GTF2H3: variants seen among roughly 807,000 people sequenced by gnomAD.
GTF2H3 encodes the protein TFIIH basal transcription factor complex p34 subunit.
GTF2H3 carries 42 observed loss-of-function variants against 51.1 expected under a neutral mutation model. The ratio of observed to expected loss-of-function variants is 0.82; its 90% confidence interval spans 0.64 to 1.06. The LOEUF (loss-of-function observed/expected upper bound fraction) is 1.06, where lower values mean the gene tolerates loss of function less well. GTF2H3 is among the 50% of genes least tolerant of loss of function. GTF2H3 has a pLI of 0.00. For synonymous variants in GTF2H3, 123 were observed against 123.8 expected, an observed-to-expected ratio of 0.99 and a Z score of 0.04; for missense variants, 326 against 366.1, an observed-to-expected ratio of 0.89 and a Z score of 0.89.
intron 1 of GTF2H3, among the ~76,000 whole-genome samples, chr12:123,638,073 C>T (rs904853408): frequency 6.6e-6 from 1 of 152,072 alleles, no homozygotes; most frequent in Non-Finnish European, 1.5e-5. Context: ...ACATGGCTCA[C>T]TGTAGCCTCG....
intron 1 of GTF2H3, among the ~76,000 whole-genome samples, chr12:123,637,869 G>GAC (rs1472540527): frequency 6.6e-6 from 1 of 152,128 alleles, no homozygotes; most frequent in African/African-American, 2.4e-5. Context: ...GGGCCAAATT[G>GAC]ACAGCTACGC....
chr12:123,652,644 T>G lies in GTF2H3; in HGVS notation c.458-63T>G, dbSNP rs903161614. On this transcript the variant is annotated intron_variant, in intron 6 of 12. Coordinates refer to ENST00000543341, the MANE Select transcript of GTF2H3 (RefSeq NM_001516.5). ...TTTACTAGACTGTTTAAAAATTGGTTAGGAAACCATATATGATTAGTAAGA... is the reference window on the plus strand; with the variant it reads ...TTTACTAGACTGTTTAAAAATTGGTGAGGAAACCATATATGATTAGTAAGA... 11 of 1,533,786 alleles carry G rather than the reference T, an allele frequency of 7.2e-6. No individual in the cohort carries two copies. In the Admixed American group the frequency reaches 2.0e-4, roughly 27 times the overall value.
chr12:123,640,028 G>C, intron 2 of GTF2H3: 1 of 449,982 alleles, frequency 2.2e-6, no homozygotes. Flanking sequence ...TCAGCTAATT[G>C]TTTGTATTTT....
chr12:123,651,054 G>C lies in GTF2H3; in HGVS notation c.425G>C (p.Cys142Ser). 6.8e-6 allele frequency: 11 copies of C among 1,609,234 alleles called. No individual in the cohort carries two copies. The highest frequency in any genetic ancestry group is 9.4e-6 in the Non-Finnish European group (11 of 1,175,658). The change falls in exon 5 of 13, where the codon TGC becomes TCC. Residue 142 changes from cysteine to serine, a missense_variant and splice_region_variant. By Grantham distance (112) the Cys-to-Ser change is moderately radical (BLOSUM62 -1). Transcript: ENST00000543341. ...LLAGSLAKALCYIHRMNKEVK... is the reference protein window; with the variant it reads ...LLAGSLAKALSYIHRMNKEVK... ...GCAGGATCCCTGGCCAAAGCCCTTT[G>C]CTGTATCCTTGGTGTCTGAATCATT...
chr12:123,643,804 G>GT (rs935030133), intron 2 of GTF2H3, among the ~76,000 whole-genome samples: 4 of 151,778 alleles, frequency 2.6e-5, no homozygotes, highest in Admixed American at 1.3e-4. Context: ...ATAGATTTAA[G>GT]TTTTTTTTCC....
chr12:123,642,534 C>A (rs1015890547), intron 2 of GTF2H3, among the ~76,000 whole-genome samples: 1 of 152,156 alleles, frequency 6.6e-6, no homozygotes, highest in African/African-American at 2.4e-5. Context: ...GAAGTTAGGA[C>A]TTGAACATAT....
At chr12:123,654,509 GGTGTATTTTGGGT>G (rs1955560418) in intron 7 of GTF2H3, among the ~76,000 whole-genome samples, 2 of 150,612 alleles carry the variant, frequency 1.3e-5, no homozygotes, top group East Asian at 2.0e-4. Flanking sequence ...TTGGGGTATG[GGTGTATTTTGGGT>G]GTGTATTTTG....
intron 2 of GTF2H3, among the ~76,000 whole-genome samples, chr12:123,640,389 T>G (rs1279144144): frequency 6.8e-6 from 1 of 146,408 alleles, no homozygotes; most frequent in Non-Finnish European, 1.5e-5. Context: ...CAGGCTAGAG[T>G]GCAATGGCGC....
chr12:123,655,710 T>G (rs1955578341), intron 8 of GTF2H3, 61 bp from the exon 9 acceptor site: 1 of 969,260 alleles, frequency 1.0e-6, no homozygotes, highest in South Asian at 1.3e-5. Context: ...TAGTAGGTTC[T>G]CAGTATAGGG....
chr12:123,655,712 A>G, intron 8 of GTF2H3, 59 bp from the exon 9 acceptor site: 4 of 976,912 alleles, frequency 4.1e-6, no homozygotes, highest in Non-Finnish European at 6.6e-6. Context: ...GTAGGTTCTC[A>G]GTATAGGGTA....
chr12:123,634,876 A>C (rs1473334757), intron 1 of GTF2H3, among the ~76,000 whole-genome samples: 1 of 152,268 alleles, frequency 6.6e-6, no homozygotes, highest in Middle Eastern at 3.2e-3. Context: ...TTTTAGGTGC[A>C]ATACAAAGAC....
At chr12:123,645,906 A>G (rs781754251) in intron 3 of GTF2H3, among the ~76,000 whole-genome samples, 2 of 152,108 alleles carry the variant, frequency 1.3e-5, no homozygotes, top group Non-Finnish European at 2.9e-5. Flanking sequence ...TAGATGGGAG[A>G]TGTGATTCTG....
intron 4 of GTF2H3, 103 bp downstream of exon 4, chr12:123,648,229 A>G (rs911192627): frequency 1.4e-6 from 1 of 714,758 alleles, no homozygotes. Context: ...GTATGCCTGC[A>G]CGTTCTCACT....
Position 123,662,269 on chromosome 12 carries a change from T to C in GTF2H3, c.*2034T>C, listed in dbSNP as rs1955667905. The C allele has an allele frequency of 6.6e-6, 1 of 152,168 alleles. No homozygotes were observed. Among genetic ancestry groups the C allele is most frequent in the Non-Finnish European group, 1.5e-5 (1 of 68,034 alleles). The allele number at this position is 152,168 out of a possible 1,614,324, so 9.4% of individuals were successfully genotyped here. On this transcript the variant is annotated 3_prime_UTR_variant, in exon 13 of 13. Coordinates refer to ENST00000543341, the MANE Select transcript of GTF2H3 (RefSeq NM_001516.5). ...AATAATTTGATGTTGGCTTAGATAA[T>C]TTCAGATAGATTTTATATTCTGGAT...
chr12:123,634,095 C>A (rs1410640876), intron 1 of GTF2H3, among the ~76,000 whole-genome samples: 2 of 152,142 alleles, frequency 1.3e-5, no homozygotes, highest in Non-Finnish European at 2.9e-5. Flanking sequence ...AGACAGGGGC[C>A]TTAGTGGAGG....
rs1593818254 is a variant in GTF2H3, at chr12:123,660,438, T to A, written c.*203T>A. 2.0e-5 allele frequency: 9 copies of A among 449,440 alleles called. No individual in the cohort carries two copies. The East Asian group carries it at 3.1e-4, about 16-fold the overall frequency. The allele number at this position is 449,440 out of a possible 1,614,324, so 27.8% of individuals were successfully genotyped here. On this transcript the variant is annotated 3_prime_UTR_variant, in exon 13 of 13. Coordinates refer to ENST00000543341, the MANE Select transcript of GTF2H3 (RefSeq NM_001516.5). ...TGAGGGAATCATTCTATGCATTATATCCTAAAATATTCTATGACTGGTTTC... is the reference window on the plus strand; with the variant it reads ...TGAGGGAATCATTCTATGCATTATAACCTAAAATATTCTATGACTGGTTTC...
intron 9 of GTF2H3, among the ~76,000 whole-genome samples, chr12:123,657,644 T>G (rs112527917): frequency 6.9e-4 from 105 of 152,340 alleles, no homozygotes; most frequent in Middle Eastern, 3.4e-3. Flanking sequence ...TAACATTATT[T>G]TTGCATTTAC....
intron 1 of GTF2H3, among the ~76,000 whole-genome samples, chr12:123,634,622 G>C (rs1169549968): frequency 6.6e-6 from 1 of 152,170 alleles, no homozygotes; most frequent in East Asian, 1.9e-4. Flanking sequence ...GAAGTTCTGG[G>C]GGAAGTGCAC....
In GTF2H3 at chr12:123,662,213, T is replaced by C. The variant is rs1303243969; in HGVS notation, c.*1978T>C. ...ACTTTGTATGTAAGGAAGATTTTAA[T>C]TTTCTCTTTATACAAGCTGAGTCAT... On this transcript the variant is annotated 3_prime_UTR_variant, in exon 13 of 13. Coordinates refer to ENST00000543341, the MANE Select transcript of GTF2H3 (RefSeq NM_001516.5). 2 of 151,942 alleles carry C rather than the reference T, an allele frequency of 1.3e-5. No homozygotes were observed. Among genetic ancestry groups the C allele is most frequent in the African/African-American group, 4.8e-5 (2 of 41,404 alleles). 9.4% of individuals were successfully genotyped at this position (151,942 alleles called of 1,614,324 possible).
Sources: allele counts gnomAD v4.1 joint callset (sites outside exome capture counted in the v4.1 genomes callset), GRCh38; gene constraint gnomAD v4.1.1; transcripts MANE v1.5; gene names NCBI Gene and HGNC (gene_info 2026-07-23, HGNC 2026-07-21).